The following NAV2 variants were observed in gnomAD, a reference collection of about 807,000 sequenced individuals.
NAV2 encodes helicase, APC down-regulated 1.
In NAV2, 54 loss-of-function variants were observed where a neutral mutation model predicts 223.2. The ratio of observed to expected loss-of-function variants is 0.24; its 90% CI spans 0.19 to 0.30. NAV2 has a LOEUF of 0.30. NAV2 is among the 10% of genes least tolerant of loss of function. The pLI, the probability that NAV2 is intolerant of heterozygous loss-of-function variation, is 1.00. For missense variants in NAV2, 2,806 were observed against 3,147.5 expected (o/e 0.89, Z 2.60); for synonymous variants, 1,279 against 1,239.3 (o/e 1.03, Z -0.67).
At chr11:19,825,951 G>A (rs1333417563) in intron 1 of NAV2, among the ~76,000 whole-genome samples, 1 of 152,138 alleles carries the variant, frequency 6.6e-6, no homozygotes, top group Non-Finnish European at 1.5e-5. Context: ...ATCTTGTCAA[G>A]CCTTTGACAG....
At chr11:19,888,281 A>T (rs1164176333) in intron 5 of NAV2, among the ~76,000 whole-genome samples, 2 of 152,166 alleles carry the variant, frequency 1.3e-5, no homozygotes, top group Non-Finnish European at 2.9e-5. Flanking sequence ...CTGGTGCTGT[A>T]AGGGATGCAG....
chr11:19,531,377 G>A (rs751736194), intron 1 of NAV2, among the ~76,000 whole-genome samples: 5 of 152,324 alleles, frequency 3.3e-5, no homozygotes, highest in Admixed American at 1.3e-4. Context: ...AGCCAAGACC[G>A]TAGGTAGTCA....
intron 1 of NAV2, among the ~76,000 whole-genome samples, chr11:19,705,883 G>A (rs918305379): frequency 3.3e-5 from 5 of 151,976 alleles, no homozygotes; most frequent in Admixed American, 6.6e-5. Flanking sequence ...ATATTGAACC[G>A]CTCCCAGGAA....
chr11:19,977,289 C>G (rs1308621571), intron 10 of NAV2, among the ~76,000 whole-genome samples: 2 of 152,334 alleles, frequency 1.3e-5, no homozygotes, highest in Admixed American at 6.5e-5. Flanking sequence ...TGCAGTCTGT[C>G]TTATTTATGG....
At chr11:19,984,894 C>T (rs1216183029) in intron 11 of NAV2, among the ~76,000 whole-genome samples, 2 of 152,152 alleles carry the variant, frequency 1.3e-5, no homozygotes, top group Non-Finnish European at 2.9e-5. Flanking sequence ...CCTGAGCAAC[C>T]GATGAAGTGA....
intron 1 of NAV2, chr11:19,502,686 A>G (rs1413457548): frequency 6.6e-6 from 1 of 152,216 alleles, no homozygotes; most frequent in Non-Finnish European, 1.5e-5. Context: ...AGATAACATC[A>G]TTTTATTATG....
intron 37 of NAV2, among the ~76,000 whole-genome samples, chr11:20,117,417 G>A (rs2245815): frequency 0.16 from 23,608 of 152,048 alleles, 2,410 homozygotes; most frequent in East Asian, 0.38. Flanking sequence ...TCAACCCTAT[G>A]AGAAGTGTTG....
chr11:19,725,630 A>T (rs1332402563), intron 1 of NAV2, among the ~76,000 whole-genome samples: 1 of 152,210 alleles, frequency 6.6e-6, no homozygotes, highest in South Asian at 2.1e-4. Flanking sequence ...CTCATTTGGA[A>T]TCATTCCTTC....
At chr11:19,603,583 C>T (rs542012218) in intron 1 of NAV2, among the ~76,000 whole-genome samples, 236 of 146,366 alleles carry the variant, frequency 1.6e-3, no homozygotes, top group African/African-American at 5.5e-3. Flanking sequence ...GCCAAGATTG[C>T]GCCACTGCAC....
At chr11:19,939,833 TGCTG>T in intron 8 of NAV2, 60 bp downstream of exon 8, 1 of 1,230,282 alleles carries the variant, frequency 8.1e-7, no homozygotes, top group Non-Finnish European at 1.2e-6. Context: ...ACGCAATACC[TGCTG>T]GAACAGCATG....
At chr11:20,057,367 A>G (rs574206311) in intron 19 of NAV2, among the ~76,000 whole-genome samples, 12 of 152,272 alleles carry the variant, frequency 7.9e-5, no homozygotes, top group African/African-American at 2.9e-4. Flanking sequence ...TGATTTATGT[A>G]TCATTTGCAT....
At chr11:19,956,814 C>T (rs2047923895) in intron 10 of NAV2, among the ~76,000 whole-genome samples, 1 of 152,082 alleles carries the variant, frequency 6.6e-6, no homozygotes, top group Non-Finnish European at 1.5e-5. Flanking sequence ...AGTCCATCTC[C>T]ATCCCCGCCT....
chr11:19,908,396 T>C (rs1371868144), intron 6 of NAV2, among the ~76,000 whole-genome samples: 1 of 152,166 alleles, frequency 6.6e-6, no homozygotes, highest in Non-Finnish European at 1.5e-5. Flanking sequence ...AACCTCTTCC[T>C]CATCCTCACT....
intron 1 of NAV2, chr11:19,401,973 G>A (rs1283237759): frequency 6.6e-6 from 1 of 152,182 alleles, no homozygotes; most frequent in Non-Finnish European, 1.5e-5. Flanking sequence ...GGGTGGTATG[G>A]TCGTAGACAT....
At chr11:19,356,775 C>G (rs1293696312) in intron 1 of NAV2, among the ~76,000 whole-genome samples, 1 of 152,124 alleles carries the variant, frequency 6.6e-6, no homozygotes, top group Non-Finnish European at 1.5e-5. Context: ...GGATTGTTTT[C>G]CAGGGAATAA....
At chr11:19,366,499 A>T (rs1159217846) in intron 1 of NAV2, among the ~76,000 whole-genome samples, 1 of 152,162 alleles carries the variant, frequency 6.6e-6, no homozygotes, top group African/African-American at 2.4e-5. Flanking sequence ...GTGAGGAAGC[A>T]TGTGGCTGGA....
chr11:19,797,271 A>G (rs897938075), intron 1 of NAV2, among the ~76,000 whole-genome samples: 1 of 152,116 alleles, frequency 6.6e-6, no homozygotes, highest in Non-Finnish European at 1.5e-5. Flanking sequence ...CTCTTTCCCT[A>G]ACAATTCCTG....
intron 22 of NAV2, among the ~76,000 whole-genome samples, chr11:20,073,857 A>G (rs905385620): frequency 1.3e-5 from 2 of 152,034 alleles, no homozygotes; most frequent in African/African-American, 2.4e-5. Flanking sequence ...CTAGCAGTCT[A>G]TTTTGTTGAT....
At chr11:19,788,515 G>A (rs1300852874) in intron 1 of NAV2, among the ~76,000 whole-genome samples, 1 of 152,150 alleles carries the variant, frequency 6.6e-6, no homozygotes, top group Non-Finnish European at 1.5e-5. Context: ...CCTTCACTTA[G>A]AGAACTGCCA....
Sources: allele counts gnomAD v4.1 joint callset (sites outside exome capture counted in the v4.1 genomes callset), GRCh38; gene constraint gnomAD v4.1.1; transcripts MANE v1.5; gene names NCBI Gene and HGNC (gene_info 2026-07-23, HGNC 2026-07-21).